The following VWA8 variants were observed in gnomAD, a reference collection of about 807,000 sequenced individuals.
VWA8 encodes the protein von Willebrand factor A domain containing 8, also known as von Willebrand factor A domain-containing protein 8.
A neutral mutation model predicts 241.5 loss-of-function variants in VWA8; 221 were observed. The observed-to-expected ratio is 0.91, with a 90% CI of 0.82 to 1.02. The LOEUF is 1.02. Among genes scored for constraint, VWA8 ranks in the 50% least tolerant of loss-of-function variants. The probability of loss-of-function intolerance (pLI) is 0.00; values close to 1 mark genes in which losing one functional copy is unlikely to be tolerated. For synonymous variants in VWA8, 852 were observed against 827.1 expected, an observed-to-expected ratio of 1.03 and a Z score of -0.52; for missense variants, 2,322 against 2,328.7, an observed-to-expected ratio of 1.00 and a Z score of 0.06.
intron 37 of VWA8, among the ~76,000 whole-genome samples, chr13:41,618,649 G>T (rs1405119584): frequency 6.6e-6 from 1 of 152,094 alleles, no homozygotes; most frequent in Non-Finnish European, 1.5e-5. Context: ...ATTAATTTTT[G>T]TATAAGGTGT....
intron 29 of VWA8, among the ~76,000 whole-genome samples, chr13:41,698,250 T>C (rs1485589834): frequency 6.6e-6 from 1 of 152,030 alleles, no homozygotes; most frequent in Non-Finnish European, 1.5e-5. Flanking sequence ...GCACATGATA[T>C]ATATTTGTTG....
At chr13:41,585,847 G>C (rs1212045774) in intron 42 of VWA8, among the ~76,000 whole-genome samples, 1 of 139,944 alleles carries the variant, frequency 7.1e-6, no homozygotes, top group Non-Finnish European at 1.5e-5. Context: ...CTGGGCGACA[G>C]AGTGAGACAC....
intron 37 of VWA8, among the ~76,000 whole-genome samples, chr13:41,631,112 C>T (rs2044723657): frequency 6.6e-6 from 1 of 152,122 alleles, no homozygotes; most frequent in African/African-American, 2.4e-5. Flanking sequence ...GTCAACTTCC[C>T]AGGCTCAGGT....
intron 20 of VWA8, among the ~76,000 whole-genome samples, chr13:41,772,532 G>C (rs1197554673): frequency 6.6e-6 from 1 of 152,076 alleles, no homozygotes; most frequent in Non-Finnish European, 1.5e-5. Flanking sequence ...AATTACAGTA[G>C]GTAGAAAGTA....
chr13:41,711,370 A>G (rs2045315109), intron 26 of VWA8, among the ~76,000 whole-genome samples: 1 of 152,148 alleles, frequency 6.6e-6, no homozygotes, highest in Non-Finnish European at 1.5e-5. Flanking sequence ...CAGAAAGTAC[A>G]CCTTCTCTTT....
At chr13:41,716,680 T>C (rs961792922) in intron 26 of VWA8, among the ~76,000 whole-genome samples, 1 of 152,100 alleles carries the variant, frequency 6.6e-6, no homozygotes, top group Non-Finnish European at 1.5e-5. Flanking sequence ...AGTGTAACTT[T>C]ACTCCCATCA....
At chr13:41,670,736 A>G (rs1488157626) in intron 37 of VWA8, among the ~76,000 whole-genome samples, 1 of 152,208 alleles carries the variant, frequency 6.6e-6, no homozygotes, top group Non-Finnish European at 1.5e-5. Context: ...ACATTTAAGC[A>G]CTGACAGAAA....
chr13:41,722,691 C>CT lies in VWA8; in HGVS notation c.2759-1117dup, dbSNP rs533560461. ...AATTAGGACAGTAGAAATGGTGATG[C>CT]TGGGGGAGGTCAGTCAGGTAAACCT... On this transcript the variant is annotated intron_variant, in intron 24 of 44. Coordinates refer to ENST00000379310, the MANE Select transcript of VWA8 (RefSeq NM_015058.2). Among the ~76,000 whole-genome samples the CT allele has an allele frequency of 2.0e-5, 3 of 152,006 alleles. No homozygotes were observed. The South Asian group carries it at 6.2e-4, about 32-fold the overall frequency.
chr13:41,825,179 A>G (rs1871128138), intron 14 of VWA8, among the ~76,000 whole-genome samples: 1 of 152,206 alleles, frequency 6.6e-6, no homozygotes, highest in Admixed American at 6.5e-5. Context: ...AGATGGCAAC[A>G]AGTGTGTCAT....
At chr13:41,587,705 A>G (rs2044428400) in intron 41 of VWA8, 35 bp from the exon 42 acceptor site, 1 of 1,610,008 alleles carries the variant, frequency 6.2e-7, no homozygotes, top group Non-Finnish European at 8.5e-7. Flanking sequence ...CCGTTTGTGA[A>G]CTGGCAAACT....
intron 4 of VWA8, among the ~76,000 whole-genome samples, chr13:41,901,793 G>A (rs2138098905): frequency 7.0e-6 from 1 of 143,658 alleles, no homozygotes; most frequent in Middle Eastern, 3.9e-3. Flanking sequence ...TTGTACCCAG[G>A]AGGCAGAGGT....
intron 40 of VWA8, 70 bp downstream of exon 40, chr13:41,605,098 C>T: frequency 1.3e-6 from 2 of 1,486,944 alleles, no homozygotes; most frequent in Non-Finnish European, 1.9e-6. Flanking sequence ...AGATAATTTT[C>T]TCCAAGACTT....
intron 2 of VWA8, among the ~76,000 whole-genome samples, chr13:41,913,472 T>C (rs1326325945): frequency 5.9e-5 from 9 of 152,190 alleles, no homozygotes; most frequent in Non-Finnish European, 2.9e-5. Context: ...GTGCTAAACT[T>C]TGTTTAATCA....
chr13:41,667,802 C>T (rs1051150320), intron 37 of VWA8, among the ~76,000 whole-genome samples: 4 of 152,102 alleles, frequency 2.6e-5, no homozygotes, highest in African/African-American at 9.7e-5. Flanking sequence ...ATGAAATCTA[C>T]AAGTAATAAA....
In VWA8 at chr13:41,871,768, A is replaced by G. The variant is rs372907532; in HGVS notation, c.1081-3291T>C. ...GTGAATAGTGCCGCAATAAACATAC[A>G]TGTGCATGTGTCTTTATAGCAGCAT... is the stretch of plus-strand genomic sequence containing the variant. On this transcript the variant is annotated intron_variant, in intron 9 of 44. Coordinates refer to ENST00000379310, the MANE Select transcript of VWA8 (RefSeq NM_015058.2). Among the ~76,000 whole-genome samples the G allele has an allele frequency of 7.2e-3, 1,089 of 152,120 alleles. 17 individuals are homozygous for G. Among genetic ancestry groups the G allele is most frequent in the African/African-American group, 0.025 (1,038 of 41,432 alleles).
intron 12 of VWA8, among the ~76,000 whole-genome samples, chr13:41,840,829 C>T (rs1871965437): frequency 6.6e-6 from 1 of 151,258 alleles, no homozygotes; most frequent in Admixed American, 6.6e-5. Flanking sequence ...CACCACAATT[C>T]TTGATAATAA....
intron 37 of VWA8, among the ~76,000 whole-genome samples, chr13:41,630,714 T>TATA (rs2044720716): frequency 6.6e-6 from 1 of 152,102 alleles, no homozygotes; most frequent in Non-Finnish European, 1.5e-5. Flanking sequence ...AAACTTTATA[T>TATA]ATTTTACAGA....
chr13:41,746,223 A>G (rs2045605672), intron 21 of VWA8, among the ~76,000 whole-genome samples: 1 of 152,254 alleles, frequency 6.6e-6, no homozygotes, highest in African/African-American at 2.4e-5. Flanking sequence ...AAAAAAGTAA[A>G]TAACACTTGA....
At chr13:41,789,139 G>A (rs1869338025) in intron 17 of VWA8, among the ~76,000 whole-genome samples, 1 of 152,112 alleles carries the variant, frequency 6.6e-6, no homozygotes, top group South Asian at 2.1e-4. Flanking sequence ...TAAGATACTG[G>A]CCCATCCAAC....
Sources: allele counts gnomAD v4.1 joint callset (sites outside exome capture counted in the v4.1 genomes callset), GRCh38; gene constraint gnomAD v4.1.1; transcripts MANE v1.5; gene names NCBI Gene and HGNC (gene_info 2026-07-23, HGNC 2026-07-21).